The following ATP11A variants were observed in gnomAD, a reference collection of about 807,000 sequenced individuals.
The protein encoded by ATP11A is phospholipid-transporting ATPase IH.
In ATP11A, 81 loss-of-function variants were observed where a neutral mutation model predicts 154.4. That is an observed-to-expected ratio of 0.52 (90% CI 0.44 to 0.63). The LOEUF (loss-of-function observed/expected upper bound fraction) is 0.63. Ranked by LOEUF, ATP11A falls within the 30% of genes least tolerant of loss-of-function variation. The pLI, the probability that ATP11A is intolerant of heterozygous loss-of-function variation, is 0.00. For missense variants in ATP11A, 1,316 were observed against 1,474.3 expected (o/e 0.89, Z 1.76); for synonymous variants, 623 against 585.9 (o/e 1.06, Z -0.91).
At chr13:112,840,899 C>T (rs532185679) in intron 16 of ATP11A, among the ~76,000 whole-genome samples, 1 of 152,198 alleles carries the variant, frequency 6.6e-6, no homozygotes, top group Non-Finnish European at 1.5e-5. Flanking sequence ...CACTGCCTGC[C>T]CACTCTGGGG....
chr13:112,808,738 G>A (rs113564580), intron 4 of ATP11A, among the ~76,000 whole-genome samples: 44 of 152,250 alleles, frequency 2.9e-4, no homozygotes, highest in African/African-American at 1.1e-3. Context: ...GGGCACTGAC[G>A]GGCATCTCAC....
chr13:112,797,808 C>T (rs2078039947), intron 2 of ATP11A, among the ~76,000 whole-genome samples: 1 of 152,176 alleles, frequency 6.6e-6, no homozygotes, highest in South Asian at 2.1e-4. Flanking sequence ...TTATATAGGT[C>T]AGAAATTCAG....
chr13:112,791,469 G>A (rs749422320), intron 2 of ATP11A, among the ~76,000 whole-genome samples: 6 of 152,240 alleles, frequency 3.9e-5, no homozygotes, highest in South Asian at 4.1e-4. Context: ...CAGCAGCAGC[G>A]GCAGAGCTTG....
intron 1 of ATP11A, among the ~76,000 whole-genome samples, chr13:112,704,214 G>A (rs563920113): frequency 5.3e-5 from 8 of 152,322 alleles, no homozygotes; most frequent in Non-Finnish European, 7.4e-5. Context: ...TTCTGGGTTA[G>A]TGTCTTTTTA....
At chr13:112,742,067 C>T (rs1221161865) in intron 1 of ATP11A, among the ~76,000 whole-genome samples, 1 of 151,812 alleles carries the variant, frequency 6.6e-6, no homozygotes, top group Non-Finnish European at 1.5e-5. Context: ...CCACAGTGCG[C>T]TTTTCTCACG....
In ATP11A at chr13:112,845,902, A is replaced by G. The variant is rs370976273; in HGVS notation, c.1809+3523A>G. 5.9e-5 allele frequency among the ~76,000 whole-genome samples: 9 copies of G among 152,206 alleles called. No individual in the cohort carries two copies. In the East Asian group the frequency reaches 1.2e-3, roughly 19 times the overall value. On this transcript the variant is annotated intron_variant, in intron 17 of 29. Coordinates refer to ENST00000375645, the MANE Select transcript of ATP11A (RefSeq NM_015205.3). Reference sequence around the variant, plus strand: ...TCATTTGCCGGGCACTCGCAGTGCTAGTTCTTTCTACGGATGGACCAGTTT... The same window carrying G: ...TCATTTGCCGGGCACTCGCAGTGCTGGTTCTTTCTACGGATGGACCAGTTT...
intron 1 of ATP11A, among the ~76,000 whole-genome samples, chr13:112,731,540 A>G (rs1890483117): frequency 6.6e-6 from 1 of 152,178 alleles, no homozygotes; most frequent in Non-Finnish European, 1.5e-5. Context: ...ATTTATGAGT[A>G]AAGTTTTAAG....
At chr13:112,803,359 G>A (rs747581518) in intron 2 of ATP11A, among the ~76,000 whole-genome samples, 1 of 152,272 alleles carries the variant, frequency 6.6e-6, no homozygotes, top group Non-Finnish European at 1.5e-5. Flanking sequence ...GAAATTCTTG[G>A]TATGAGAATT....
intron 15 of ATP11A, 137 bp downstream of exon 15, chr13:112,834,797 C>A (rs991753326): frequency 6.1e-6 from 4 of 659,668 alleles, no homozygotes; most frequent in African/African-American, 5.4e-5. Context: ...CAGTGACACC[C>A]CAGGAATGTC....
intron 8 of ATP11A, among the ~76,000 whole-genome samples, chr13:112,822,044 G>A (rs1033066295): frequency 3.9e-5 from 6 of 152,156 alleles, no homozygotes; most frequent in African/African-American, 1.4e-4. Context: ...GAGGTCTATC[G>A]ACCAAATATA....
intron 1 of ATP11A, among the ~76,000 whole-genome samples, chr13:112,738,546 G>A (rs1014460788): frequency 1.6e-4 from 25 of 152,200 alleles, no homozygotes; most frequent in African/African-American, 5.3e-4. Flanking sequence ...CACCAGAGCA[G>A]TGCCGCAGAT....
chr13:112,806,401 C>T, intron 4 of ATP11A, 108 bp downstream of exon 4: 1 of 796,820 alleles, frequency 1.3e-6, no homozygotes, highest in East Asian at 2.5e-5. Context: ...ACAGAAAATT[C>T]AACCAAGTTC....
At chr13:112,815,951 T>C (rs2078634522) in intron 5 of ATP11A, 132 bp from the exon 6 acceptor site, 2 of 1,292,984 alleles carry the variant, frequency 1.5e-6, no homozygotes, top group South Asian at 2.8e-5. Flanking sequence ...AAGAGTCTTT[T>C]CCTGAAACCG....
chr13:112,779,706 G>A (rs1047485664), intron 1 of ATP11A, among the ~76,000 whole-genome samples: 1 of 151,912 alleles, frequency 6.6e-6, no homozygotes, highest in Non-Finnish European at 1.5e-5. Flanking sequence ...CTGAGGTCAG[G>A]AGTTCGAGGC....
intron 1 of ATP11A, among the ~76,000 whole-genome samples, chr13:112,715,144 C>G (rs1159362988): frequency 1.3e-5 from 2 of 152,186 alleles, no homozygotes; most frequent in Non-Finnish European, 2.9e-5. Flanking sequence ...CTCACACATT[C>G]ACCTGTTGAA....
rs1477827506 is a variant in ATP11A at position 112,884,267 on chromosome 13, T to C, written c.*2401T>C. On this transcript the variant is annotated 3_prime_UTR_variant, in exon 30 of 30. Coordinates refer to ENST00000375645, the MANE Select transcript of ATP11A (RefSeq NM_015205.3). ...CTTTACAATTTGTTGCAATTTCATC[T>C]GCTTTCTATGTTTCATTGTTAATTG... 1 of 152,714 alleles carries C rather than the reference T, an allele frequency of 6.5e-6. No individual in the cohort carries two copies. The highest frequency in any genetic ancestry group is 1.5e-5 in the Non-Finnish European group (1 of 68,056). The allele number at this position is 152,714 out of a possible 1,614,324, so 9.5% of individuals were successfully genotyped here.
intron 1 of ATP11A, among the ~76,000 whole-genome samples, chr13:112,771,841 A>G (rs1200370306): frequency 6.6e-6 from 1 of 152,252 alleles, no homozygotes; most frequent in Non-Finnish European, 1.5e-5. Context: ...CAAACAAAGT[A>G]ACATTTAATA....
chr13:112,800,413 T>C (rs1357934080), intron 2 of ATP11A, among the ~76,000 whole-genome samples: 1 of 152,136 alleles, frequency 6.6e-6, no homozygotes, highest in Non-Finnish European at 1.5e-5. Context: ...TTGGCCAGTT[T>C]CTTGAAAAAC....
intron 17 of ATP11A, 31 bp downstream of exon 17, chr13:112,842,410 C>T (rs770806924): frequency 1.0e-5 from 15 of 1,478,806 alleles, no homozygotes; most frequent in African/African-American, 8.3e-5. Context: ...GGCCTCGTGG[C>T]GGTCAGCTCC....
Sources: allele counts gnomAD v4.1 joint callset (sites outside exome capture counted in the v4.1 genomes callset), GRCh38; gene constraint gnomAD v4.1.1; transcripts MANE v1.5; gene names NCBI Gene and HGNC (gene_info 2026-07-23, HGNC 2026-07-21).